The following RRAS2 variants were observed in gnomAD, a reference collection of about 807,000 sequenced individuals.
The protein encoded by RRAS2 is ras-related protein R-Ras2.
In RRAS2, 7 loss-of-function variants were observed where a neutral mutation model predicts 27.6. The observed-to-expected ratio is 0.25, with a 90% confidence interval of 0.14 to 0.48. The LOEUF is 0.48. Ranked by LOEUF, RRAS2 falls within the 20% of genes least tolerant of loss-of-function variation. The pLI is 0.99. For synonymous variants in RRAS2, 86 were observed against 90.9 expected (o/e 0.95, Z 0.31); for missense variants, 178 against 256.2 (o/e 0.69, Z 2.08).
intron 1 of RRAS2, among the ~76,000 whole-genome samples, chr11:14,352,930 CTGGG>C (rs1848994810): frequency 6.6e-6 from 1 of 151,804 alleles, no homozygotes; most frequent in Non-Finnish European, 1.5e-5. Flanking sequence ...TGAGTAGTAG[CTGGG>C]ATTGCAGGCG....
In RRAS2 at chr11:14,293,124, AATATATATATAT is replaced by A. The variant is rs781860601; in HGVS notation, c.408+1335_408+1346del. Among the ~76,000 whole-genome samples, 281 of 76,786 alleles carry A rather than the reference AATATATATATAT, an allele frequency of 3.7e-3. 15 individuals carry two copies. The highest frequency in any genetic ancestry group is 0.017 in the East Asian group (38 of 2,294). 50.4% of individuals were successfully genotyped at this position (76,786 alleles called of 152,430 possible). A position where few individuals can be genotyped will look rare whatever the true frequency, so the allele number is the denominator to read the frequency against. On this transcript the variant is annotated intron_variant, in intron 4 of 5. Coordinates refer to ENST00000256196, the MANE Select transcript of RRAS2 (RefSeq NM_012250.6). ...CTCCGTCTCAAAACAAAACAAAACAAATATATATATATATATATATATATATATATATATATA... is the reference window on the plus strand; with the variant it reads ...CTCCGTCTCAAAACAAAACAAAACAAATATATATATATATATATATATATA...
At chr11:14,325,382 G>C (rs1848331509) in intron 1 of RRAS2, among the ~76,000 whole-genome samples, 1 of 150,654 alleles carries the variant, frequency 6.6e-6, no homozygotes, top group Admixed American at 6.6e-5. Flanking sequence ...CGCGATCTTG[G>C]CTCACTGCAA....
In RRAS2 at chr11:14,346,829, A is replaced by C. The variant is rs570842663; in HGVS notation, c.108+11934T>G. On this transcript the variant is annotated intron_variant, in intron 1 of 5. Coordinates refer to ENST00000256196, the MANE Select transcript of RRAS2 (RefSeq NM_012250.6). Reference sequence around the variant, plus strand: ...TATACTTCAAAACACCCTGTTGTACATAATAAATACATACAATTTTATCTG... The same window carrying C: ...TATACTTCAAAACACCCTGTTGTACCTAATAAATACATACAATTTTATCTG... Among the ~76,000 whole-genome samples the C allele has an allele frequency of 1.2e-4, 19 of 152,326 alleles. No homozygotes were observed. The South Asian group carries it at 3.9e-3, about 32-fold the overall frequency.
chr11:14,337,380 A>T (rs1247232979), intron 1 of RRAS2, among the ~76,000 whole-genome samples: 1 of 152,108 alleles, frequency 6.6e-6, no homozygotes, highest in Non-Finnish European at 1.5e-5. Context: ...CCATATCATC[A>T]TGCCTCAACG....
chr11:14,292,653 A>G (rs1847431513), intron 4 of RRAS2, among the ~76,000 whole-genome samples: 1 of 152,198 alleles, frequency 6.6e-6, no homozygotes, highest in Non-Finnish European at 1.5e-5. Context: ...AAGCAATGCC[A>G]TATTCTTAAT....
chr11:14,322,080 A>G (rs900439649), intron 1 of RRAS2, among the ~76,000 whole-genome samples: 2 of 152,182 alleles, frequency 1.3e-5, no homozygotes, highest in East Asian at 1.9e-4. Flanking sequence ...AAAAGAGATC[A>G]CAATCTAACT....
At chr11:14,299,574 G>A (rs1407342342) in intron 1 of RRAS2, among the ~76,000 whole-genome samples, 1 of 152,136 alleles carries the variant, frequency 6.6e-6, no homozygotes, top group East Asian at 1.9e-4. Flanking sequence ...GATCTGTGTT[G>A]TTCACCATGC....
chr11:14,333,630 G>A (rs782206995), intron 1 of RRAS2, among the ~76,000 whole-genome samples: 1 of 150,008 alleles, frequency 6.7e-6, no homozygotes, highest in Non-Finnish European at 1.5e-5. Context: ...TTTATAATCT[G>A]TTTTCCCCAC....
chr11:14,352,768 G>C (rs1393711966), intron 1 of RRAS2, among the ~76,000 whole-genome samples: 3 of 148,692 alleles, frequency 2.0e-5, no homozygotes, highest in Non-Finnish European at 4.5e-5. Flanking sequence ...GAGAGAGAGA[G>C]AGAGAGAGAG....
intron 1 of RRAS2, among the ~76,000 whole-genome samples, chr11:14,301,941 C>T (rs548327404): frequency 1.4e-4 from 22 of 152,214 alleles, no homozygotes; most frequent in African/African-American, 4.8e-4. Flanking sequence ...CAAGATCATG[C>T]CACTGCACTC....
intron 1 of RRAS2, among the ~76,000 whole-genome samples, chr11:14,320,190 C>T (rs1848194972): frequency 6.6e-6 from 1 of 151,894 alleles, no homozygotes; most frequent in Admixed American, 6.6e-5. Context: ...CTGCAAAGTT[C>T]TAATGCACGG....
intron 1 of RRAS2, among the ~76,000 whole-genome samples, chr11:14,323,407 G>A (rs1848272150): frequency 6.6e-6 from 1 of 151,846 alleles, no homozygotes; most frequent in Non-Finnish European, 1.5e-5. Context: ...GCAGCAAAGT[G>A]AGATCACACC....
chr11:14,310,748 C>G (rs570563894), intron 1 of RRAS2, among the ~76,000 whole-genome samples: 1 of 152,230 alleles, frequency 6.6e-6, no homozygotes, highest in African/African-American at 2.4e-5. Context: ...CAGGCATAAA[C>G]CAGGACTTTC....
At chr11:14,325,934 T>G (rs1848346577) in intron 1 of RRAS2, among the ~76,000 whole-genome samples, 1 of 152,196 alleles carries the variant, frequency 6.6e-6, no homozygotes, top group South Asian at 2.1e-4. Context: ...GGCTGGGGAA[T>G]GAGCAGCAAC....
chr11:14,347,918 AC>A (rs1848872546), intron 1 of RRAS2, among the ~76,000 whole-genome samples: 1 of 152,164 alleles, frequency 6.6e-6, no homozygotes, highest in Non-Finnish European at 1.5e-5. Context: ...ACAGAAAAAA[AC>A]AAAAACAGTT....
At chr11:14,312,112 A>C (rs905561369) in intron 1 of RRAS2, among the ~76,000 whole-genome samples, 4 of 152,022 alleles carry the variant, frequency 2.6e-5, no homozygotes, top group African/African-American at 4.8e-5. Context: ...TGATCCACCC[A>C]CCTCGGCCTT....
Position 14,302,921 on chromosome 11 carries a change from T to G in RRAS2, c.109-7066A>C, listed in dbSNP as rs550556125. ...GTAGCTCACTTAACCTGTTTGAACC[T>G]CAGTTTCCTTGTCTATGAAATGAAA... On this transcript the variant is annotated intron_variant, in intron 1 of 5. Transcript: ENST00000256196. Among the ~76,000 whole-genome samples the G allele has an allele frequency of 1.1e-4, 16 of 152,316 alleles. No homozygotes were observed. In the East Asian group the frequency reaches 2.3e-3, roughly 22 times the overall value.
chr11:14,328,079 GA>G (rs1404965950), intron 1 of RRAS2, among the ~76,000 whole-genome samples: 1 of 152,120 alleles, frequency 6.6e-6, no homozygotes, highest in Non-Finnish European at 1.5e-5. Context: ...TAAAGAGTGA[GA>G]AAAATGGCCA....
intron 5 of RRAS2, among the ~76,000 whole-genome samples, chr11:14,281,381 T>C (rs1334627387): frequency 1.3e-5 from 2 of 152,308 alleles, no homozygotes; most frequent in African/African-American, 2.4e-5. Context: ...ATCACCCCCT[T>C]TGGAAGCAGC....
Sources: gnomAD v4.1 joint callset for allele counts (sites outside exome capture counted in the v4.1 genomes callset) on GRCh38, gnomAD v4.1.1 for gene constraint, MANE v1.5 for transcripts, NCBI Gene and HGNC (gene_info 2026-07-23, HGNC 2026-07-21) for gene names.